Variants in C2orf80 observed in about 807,000 individuals in gnomAD.
C2orf80 encodes chromosome 2 open reading frame 80.
A neutral mutation model predicts 30.2 loss-of-function variants in C2orf80; 28 were observed. The ratio of observed to expected loss-of-function variants is 0.93; its 90% CI spans 0.69 to 1.27. The LOEUF (loss-of-function observed/expected upper bound fraction) is 1.27, where lower values mean the gene tolerates loss of function less well. Among genes scored for constraint, C2orf80 ranks in the 50% most tolerant of loss-of-function variants. The probability of loss-of-function intolerance (pLI) is 0.00; values close to 1 mark genes in which losing one functional copy is unlikely to be tolerated. For missense variants in C2orf80, 220 were observed against 231.0 expected, an observed-to-expected ratio of 0.95 and a Z score of 0.31; for synonymous variants, 80 against 76.4, an observed-to-expected ratio of 1.05 and a Z score of -0.24.
intron 6 of C2orf80, among the ~76,000 whole-genome samples, chr2:208,180,455 A>AAAAAAC (rs1394167719): frequency 3.3e-4 from 50 of 151,984 alleles, no homozygotes; most frequent in African/African-American, 1.2e-3. Context: ...GTCTCAAAAA[A>AAAAAAC]AAAAAACAAA....
Position 208,181,553 on chromosome 2 carries a change from T to C in C2orf80, c.207-248A>G, listed in dbSNP as rs1002836916. On this transcript the variant is annotated intron_variant, in intron 4 of 8. Transcript: ENST00000341287. Reference sequence around the variant, plus strand: ...TCACAGCAATCAAAGATTGGCAGACTGGCCACTGTGGTGGATGTTGATGGT... The same window carrying C: ...TCACAGCAATCAAAGATTGGCAGACCGGCCACTGTGGTGGATGTTGATGGT... Among the ~76,000 whole-genome samples the C allele has an allele frequency of 7.9e-5, 12 of 152,280 alleles. No individual in the cohort carries two copies. The East Asian group carries it at 2.3e-3, about 29-fold the overall frequency.
At chr2:208,189,840 T>A in intron 1 of C2orf80, 113 bp downstream of exon 1, 1 of 673,930 alleles carries the variant, frequency 1.5e-6, no homozygotes, top group Non-Finnish European at 2.7e-6. Context: ...CTGGAGAATA[T>A]CTGCACATTC....
rs1208565342 is a variant in C2orf80, at chr2:208,186,967, T to C, written c.20A>G (p.Lys7Arg). MERRLI[K>R]KEMKKLLGDY... Reference sequence around the variant, plus strand: ...TTACAAGAGCTTTTTCATTTCCTTCTTTATGAGCCTTCTTTCCATGTTAAA... The same window carrying C: ...TTACAAGAGCTTTTTCATTTCCTTCCTTATGAGCCTTCTTTCCATGTTAAA... The change falls in exon 2 of 9, where the codon AAG becomes AGG. Residue 7 changes from lysine (K) to arginine (R), a missense_variant. Coordinates refer to ENST00000341287, the MANE Select transcript of C2orf80 (RefSeq NM_001099334.3). 1.2e-6 allele frequency: 2 copies of C among 1,614,106 alleles called. No homozygotes were observed. Among genetic ancestry groups the C allele is most frequent in the East Asian group, 4.5e-5 (2 of 44,892 alleles).
intron 2 of C2orf80, among the ~76,000 whole-genome samples, chr2:208,185,966 A>G (rs759601366): frequency 1.3e-5 from 2 of 152,208 alleles, no homozygotes; most frequent in South Asian, 4.1e-4. Flanking sequence ...CCTCTAACAT[A>G]TAACACAAAT....
rs548221565 is a variant in C2orf80, at chr2:208,186,788, A to G, written c.41+158T>C. Among the ~76,000 whole-genome samples the G allele has an allele frequency of 7.2e-5, 11 of 152,320 alleles. 1 individual carries two copies. In the South Asian group the frequency reaches 2.1e-3, roughly 29 times the overall value. On this transcript the variant is annotated intron_variant, in intron 2 of 8. Coordinates refer to ENST00000341287, the MANE Select transcript of C2orf80 (RefSeq NM_001099334.3). ...GCACCACAGGTGAGGCCTCCCTGGC[A>G]GGAAACCGAGAGAGGCCAGATCATC...
intron 6 of C2orf80, among the ~76,000 whole-genome samples, chr2:208,176,968 T>TAC: frequency 8.5e-6 from 1 of 117,318 alleles, no homozygotes; most frequent in Admixed American, 8.3e-5. Flanking sequence ...TACATATGTA[T>TAC]ACATATATAC....
intron 4 of C2orf80, among the ~76,000 whole-genome samples, chr2:208,181,757 C>T (rs77311907): frequency 0.066 from 9,992 of 152,042 alleles, 401 homozygotes; most frequent in Middle Eastern, 0.1. Context: ...TGCCACTGTC[C>T]AACCCTAGAC....
intron 1 of C2orf80, among the ~76,000 whole-genome samples, chr2:208,189,051 T>C (rs11676550): frequency 0.15 from 22,146 of 152,126 alleles, 1,762 homozygotes; most frequent in South Asian, 0.22. Context: ...CTGGTTAACA[T>C]TGCCAAGAGC....
intron 6 of C2orf80, 103 bp downstream of exon 6, chr2:208,180,640 CTG>C (rs1386981067): frequency 1.1e-6 from 1 of 880,778 alleles, no homozygotes; most frequent in Non-Finnish European, 1.8e-6. Flanking sequence ...TGATGTAAAA[CTG>C]TTATTTCATA....
intron 5 of C2orf80, 40 bp from the exon 6 acceptor site, chr2:208,180,856 C>A: frequency 1.3e-6 from 2 of 1,543,174 alleles, no homozygotes; most frequent in South Asian, 1.1e-5. Context: ...ATGATCATAC[C>A]ATGGCTTTTC....
intron 3 of C2orf80, among the ~76,000 whole-genome samples, chr2:208,183,754 G>A (rs1393335530): frequency 1.3e-5 from 2 of 152,124 alleles, no homozygotes; most frequent in Non-Finnish European, 2.9e-5. Context: ...GAAGGGGGCA[G>A]ACCTGAGTAA....
Position 208,182,984 on chromosome 2 carries a change from A to G in C2orf80, c.187T>C (p.Trp63Arg), listed in dbSNP as rs1323870188. The change falls in exon 4 of 9, where the codon TGG (tryptophan) becomes CGG (arginine). Residue 63 changes from tryptophan (W) to arginine (R), a missense_variant. By Grantham distance (101) the Trp-to-Arg change is moderately radical (BLOSUM62 -3). Transcript: ENST00000341287. Reference sequence around the variant, plus strand: ...ACTTACAGTTCCTCCCACTCCAGCCAAGTTAAGTCTTCTGAGGGATCCAGC... The same window carrying G: ...ACTTACAGTTCCTCCCACTCCAGCCGAGTTAAGTCTTCTGAGGGATCCAGC... ...QWLDPSEDLT[W>R]LEWEELKIPL... is the part of the protein sequence containing the mutation. The G allele has an allele frequency of 1.2e-6, 2 of 1,613,906 alleles. No individual in the cohort carries two copies. The highest frequency in any genetic ancestry group is 1.7e-6 in the Non-Finnish European group (2 of 1,179,786).
chr2:208,165,606 GT>G lies in C2orf80; in HGVS notation c.*200del, dbSNP rs34111482. ...CACAATGAAGTAGCATAAGGTCACA[GT>G]TTTTTTTTTTAAGAAAATGTAGCCA... On this transcript the variant is annotated 3_prime_UTR_variant, in exon 9 of 9. Transcript: ENST00000341287. The G allele has an allele frequency of 4.0e-3, 1,902 of 476,514 alleles. 13 individuals carry two copies. The highest frequency in any genetic ancestry group is 0.018 in the African/African-American group (885 of 49,842). The allele number at this position is 476,514 out of a possible 1,614,324, so 29.5% of individuals were successfully genotyped here.
chr2:208,181,329 G>A, intron 4 of C2orf80, 24 bp from the exon 5 acceptor site: 1 of 1,467,552 alleles, frequency 6.8e-7, no homozygotes, highest in Admixed American at 1.7e-5. Context: ...GGAAATACAA[G>A]TGGAAGATTT....
intron 6 of C2orf80, among the ~76,000 whole-genome samples, chr2:208,176,892 T>C (rs368117730): frequency 3.2e-5 from 2 of 61,980 alleles, no homozygotes. Context: ...CATAGGTGTA[T>C]ATATATACAT....
Position 208,181,224 on chromosome 2 carries a change from G to T in C2orf80, c.288C>A (p.Ile96=). ...ATAGTATTCTTTTCCTTACCATTAA[G>T]ATTCCAGCATAAGATGATAAAATCA... ...EAMILSSYAG[I]LMNSIPIEEV... Residue 96 remains isoleucine (I), a synonymous_variant, in exon 5 of 9, where the codon ATC becomes ATA. Coordinates refer to ENST00000341287, the MANE Select transcript of C2orf80 (RefSeq NM_001099334.3). 6.3e-7 allele frequency: 1 copy of T among 1,596,132 alleles called. No individual in the cohort carries two copies. The highest frequency in any genetic ancestry group is 8.6e-7 in the Non-Finnish European group (1 of 1,163,932).
chr2:208,184,929 G>A (rs374770685), intron 3 of C2orf80, 22 bp downstream of exon 3: 82 of 1,576,968 alleles, frequency 5.2e-5, no homozygotes, highest in East Asian at 8.9e-5. Flanking sequence ...AATATGACTC[G>A]CATCAGCGTG....
At chr2:208,184,914 A>C in intron 3 of C2orf80, 37 bp downstream of exon 3, 1 of 1,530,068 alleles carries the variant, frequency 6.5e-7, no homozygotes, top group Non-Finnish European at 9.1e-7. Context: ...TACACATATA[A>C]CACAAATATG....
At chr2:208,167,191 G>A (rs1439005080) in intron 8 of C2orf80, among the ~76,000 whole-genome samples, 2 of 151,886 alleles carry the variant, frequency 1.3e-5, no homozygotes, top group African/African-American at 2.4e-5. Context: ...CACTACTGAC[G>A]CTTTCCTAGG....
Sources: gnomAD v4.1 joint callset for allele counts (sites outside exome capture counted in the v4.1 genomes callset) on GRCh38, gnomAD v4.1.1 for gene constraint, MANE v1.5 for transcripts, NCBI Gene and HGNC (gene_info 2026-07-23, HGNC 2026-07-21) for gene names.